The following PARD3 variants were observed in gnomAD, a reference collection of about 807,000 sequenced individuals.
PARD3 encodes the protein partitioning defective 3 homolog.
In PARD3, 75 loss-of-function variants were observed where a neutral mutation model predicts 155.4. That is an observed-to-expected ratio of 0.48 (90% CI 0.40 to 0.58). The LOEUF (loss-of-function observed/expected upper bound fraction) is 0.58, where lower values mean the gene tolerates loss of function less well. Ranked by LOEUF, PARD3 falls within the 20% of genes least tolerant of loss-of-function variation. The pLI is 0.00. For synonymous variants in PARD3, 576 were observed against 610.5 expected (o/e 0.94, Z 0.83); for missense variants, 1,642 against 1,721.7 (o/e 0.95, Z 0.82).
intron 22 of PARD3, among the ~76,000 whole-genome samples, chr10:34,235,089 T>C (rs1406856703): frequency 6.6e-6 from 1 of 152,218 alleles, no homozygotes; most frequent in Non-Finnish European, 1.5e-5. Flanking sequence ...TAAGTTACTA[T>C]TAATTTTTTA....
chr10:34,177,151 C>T (rs1336753207), intron 22 of PARD3, among the ~76,000 whole-genome samples: 4 of 152,024 alleles, frequency 2.6e-5, no homozygotes, highest in Non-Finnish European at 4.4e-5. Context: ...TTAAGGCTAA[C>T]ATATACAGGT....
chr10:34,720,908 A>G (rs2094596900), intron 1 of PARD3, among the ~76,000 whole-genome samples: 1 of 152,238 alleles, frequency 6.6e-6, no homozygotes, highest in South Asian at 2.1e-4. Flanking sequence ...GTAAGGCTAA[A>G]TCTACCATAA....
At chr10:34,198,486 GTA>G (rs1554807782) in intron 22 of PARD3, among the ~76,000 whole-genome samples, 9 of 147,660 alleles carry the variant, frequency 6.1e-5, no homozygotes, top group Non-Finnish European at 1.1e-4. Context: ...GTGTGTGTGT[GTA>G]TGTGTGTGTG....
At chr10:34,473,443 T>C (rs2078493953) in intron 3 of PARD3, among the ~76,000 whole-genome samples, 1 of 151,998 alleles carries the variant, frequency 6.6e-6, no homozygotes. Context: ...TCCCAGCACC[T>C]TGGGAGGCCA....
chr10:34,652,783 G>A (rs909957503), intron 2 of PARD3, among the ~76,000 whole-genome samples: 2 of 152,172 alleles, frequency 1.3e-5, no homozygotes, highest in Non-Finnish European at 1.5e-5. Flanking sequence ...TTAGTGCAAG[G>A]CAGACTGCAA....
chr10:34,130,307 G>A (rs1177882893), intron 23 of PARD3, among the ~76,000 whole-genome samples: 1 of 152,010 alleles, frequency 6.6e-6, no homozygotes, highest in Non-Finnish European at 1.5e-5. Context: ...TGGACCACAC[G>A]ATGCTTCCCC....
At chr10:34,468,121 C>A (rs2078123039) in intron 4 of PARD3, among the ~76,000 whole-genome samples, 1 of 152,070 alleles carries the variant, frequency 6.6e-6, no homozygotes, top group Non-Finnish European at 1.5e-5. Flanking sequence ...GTTCAGGCCC[C>A]TGGACTGCAG....
intron 22 of PARD3, among the ~76,000 whole-genome samples, chr10:34,152,964 A>G (rs1948845874): frequency 6.6e-6 from 1 of 152,230 alleles, no homozygotes; most frequent in Non-Finnish European, 1.5e-5. Flanking sequence ...AGATCCAGTG[A>G]CATGACAAAG....
At chr10:34,304,984 A>C (rs1327305186) in intron 20 of PARD3, among the ~76,000 whole-genome samples, 1 of 152,234 alleles carries the variant, frequency 6.6e-6, no homozygotes, top group African/African-American at 2.4e-5. Context: ...GTGGAAATTG[A>C]GAAACCTTAA....
intron 2 of PARD3, among the ~76,000 whole-genome samples, chr10:34,624,577 A>G (rs984915807): frequency 1.3e-5 from 2 of 152,160 alleles, no homozygotes; most frequent in Admixed American, 1.3e-4. Flanking sequence ...AGTAAGACCC[A>G]ATGTCAGGCA....
intron 20 of PARD3, among the ~76,000 whole-genome samples, chr10:34,294,459 G>C (rs1453470309): frequency 6.6e-6 from 1 of 152,174 alleles, no homozygotes; most frequent in Non-Finnish European, 1.5e-5. Context: ...ATAGCTTCTG[G>C]AAACTTTGAA....
In PARD3 at chr10:34,571,783, T is replaced by C. The variant is rs138439152; in HGVS notation, c.223-54624A>G. Among the ~76,000 whole-genome samples, 19 of 152,340 alleles carry C rather than the reference T, an allele frequency of 1.2e-4. No individual in the cohort carries two copies. The East Asian group carries it at 3.5e-3, about 28-fold the overall frequency. Reference sequence around the variant, plus strand: ...TTTTGGGAACACTGAGTTGTGAAATTACTCTTTTATTTAAATGCAGGTATT... The same window carrying C: ...TTTTGGGAACACTGAGTTGTGAAATCACTCTTTTATTTAAATGCAGGTATT... On this transcript the variant is annotated intron_variant, in intron 2 of 24. Transcript: ENST00000374788.
intron 22 of PARD3, chr10:34,202,005 G>C (rs561481058): frequency 6.6e-6 from 1 of 152,108 alleles, no homozygotes; most frequent in African/African-American, 2.4e-5. Context: ...TTTAGCAGTG[G>C]GGGGTTAACA....
At chr10:34,225,387 C>G (rs1952538742) in intron 22 of PARD3, among the ~76,000 whole-genome samples, 1 of 151,758 alleles carries the variant, frequency 6.6e-6, no homozygotes, top group Non-Finnish European at 1.5e-5. Context: ...CTCTTGTTGC[C>G]CAGGCTGGAG....
intron 22 of PARD3, among the ~76,000 whole-genome samples, chr10:34,155,306 C>T (rs11009658): frequency 1.3e-5 from 2 of 152,122 alleles, no homozygotes; most frequent in African/African-American, 2.4e-5. Context: ...TATGCAGCCT[C>T]GACGCTCTTC....
intron 1 of PARD3, among the ~76,000 whole-genome samples, chr10:34,749,119 T>C (rs1298287204): frequency 2.6e-5 from 4 of 152,234 alleles, no homozygotes; most frequent in South Asian, 4.1e-4. Context: ...CTTCACCCCA[T>C]ATACTTTTGC....
chr10:34,553,215 A>C (rs1179710234), intron 2 of PARD3, among the ~76,000 whole-genome samples: 1 of 152,150 alleles, frequency 6.6e-6, no homozygotes, highest in Non-Finnish European at 1.5e-5. Flanking sequence ...TGACTACCTG[A>C]GTGCTGTGGT....
intron 1 of PARD3, among the ~76,000 whole-genome samples, chr10:34,705,634 G>T (rs185150383): frequency 1.6e-4 from 24 of 152,226 alleles, no homozygotes; most frequent in Non-Finnish European, 1.0e-4. Context: ...AGATGTCATA[G>T]CTGATGTTCA....
chr10:34,191,955 A>C (rs913042648), intron 22 of PARD3, among the ~76,000 whole-genome samples: 2 of 152,242 alleles, frequency 1.3e-5, no homozygotes, highest in South Asian at 4.1e-4. Flanking sequence ...ACACGGGCTC[A>C]GCTGAAATTG....
Sources: allele counts gnomAD v4.1 joint callset (sites outside exome capture counted in the v4.1 genomes callset), GRCh38; gene constraint gnomAD v4.1.1; transcripts MANE v1.5; gene names NCBI Gene and HGNC (gene_info 2026-07-23, HGNC 2026-07-21).